Variants in KCNH7 observed in about 807,000 individuals in gnomAD.
KCNH7 encodes the protein potassium voltage-gated channel subfamily H member 7.
Under a neutral mutation model 120.8 loss-of-function variants are expected in KCNH7, and 49 were observed. That is an observed-to-expected ratio of 0.41 (90% CI 0.32 to 0.51). The LOEUF is 0.51. Ranked by LOEUF, KCNH7 falls within the 20% of genes least tolerant of loss-of-function variation. The pLI is 0.38. For missense variants in KCNH7, 1,097 were observed against 1,446.6 expected, an observed-to-expected ratio of 0.76 and a Z score of 3.92; for synonymous variants, 547 against 516.1, an observed-to-expected ratio of 1.06 and a Z score of -0.81.
At chr2:162,735,805 C>T (rs1406349087) in intron 2 of KCNH7, among the ~76,000 whole-genome samples, 3 of 152,138 alleles carry the variant, frequency 2.0e-5, no homozygotes, top group Non-Finnish European at 4.4e-5. Flanking sequence ...TTCTTTATTA[C>T]AATACTTGCT....
intron 2 of KCNH7, among the ~76,000 whole-genome samples, chr2:162,753,470 A>G (rs1688679098): frequency 6.6e-6 from 1 of 152,206 alleles, no homozygotes; most frequent in Non-Finnish European, 1.5e-5. Context: ...AATCTGAATC[A>G]TGAGAAAAAA....
intron 2 of KCNH7, among the ~76,000 whole-genome samples, chr2:162,607,802 A>G (rs1682831474): frequency 6.6e-6 from 1 of 152,238 alleles, no homozygotes; most frequent in East Asian, 1.9e-4. Flanking sequence ...AATATTCTAT[A>G]TTTTATATAT....
chr2:162,663,392 G>T (rs13022851), intron 2 of KCNH7, among the ~76,000 whole-genome samples: 26,531 of 152,004 alleles, frequency 0.17, 2,681 homozygotes, highest in East Asian at 0.46. Context: ...AGCTTTATTT[G>T]AGGATATATT....
chr2:162,384,703 T>G lies in KCNH7; in HGVS notation c.2947A>C (p.Ser983Arg), dbSNP rs1448335814. 6.2e-7 allele frequency: 1 copy of G among 1,612,388 alleles called. No homozygotes were observed. Among genetic ancestry groups the G allele is most frequent in the Admixed American group, 1.7e-5 (1 of 59,890 alleles). Residue 983 changes from serine (S) to arginine (R), a missense_variant, in exon 13 of 16, where the codon AGT (serine) becomes CGT (arginine). Transcript: ENST00000332142. ...TCTGGATTACCTTTGCAAGAGTGAC[T>G]TCTTTTATCTATGTGCATTCTTCCT... is the stretch of plus-strand genomic sequence containing the variant. ...TSGRMHIDKR[S>R]HSCKDITDMR...
intron 2 of KCNH7, among the ~76,000 whole-genome samples, chr2:162,640,285 A>G (rs1574207012): frequency 1.3e-5 from 2 of 152,288 alleles, no homozygotes; most frequent in East Asian, 3.9e-4. Flanking sequence ...ATTAGCCTAT[A>G]TGATTTCAAG....
chr2:162,479,020 G>A (rs576247866), intron 6 of KCNH7, among the ~76,000 whole-genome samples: 10 of 152,070 alleles, frequency 6.6e-5, no homozygotes, highest in African/African-American at 1.9e-4. Context: ...CTTCAGATCT[G>A]TTCACAGAAA....
chr2:162,765,625 C>T (rs776759373), intron 2 of KCNH7, among the ~76,000 whole-genome samples: 37 of 152,014 alleles, frequency 2.4e-4, no homozygotes, highest in Admixed American at 3.9e-4. Context: ...GGGGTGATAA[C>T]GACAAATTTA....
At chr2:162,716,952 G>T (rs911571407) in intron 2 of KCNH7, among the ~76,000 whole-genome samples, 1 of 151,964 alleles carries the variant, frequency 6.6e-6, no homozygotes, top group Non-Finnish European at 1.5e-5. Context: ...TGTGATTATA[G>T]AAAAAATCAT....
intron 6 of KCNH7, among the ~76,000 whole-genome samples, chr2:162,466,936 G>A (rs1689330128): frequency 6.6e-6 from 1 of 152,208 alleles, no homozygotes; most frequent in Non-Finnish European, 1.5e-5. Flanking sequence ...AGGCATCAAT[G>A]TAGTCAACCT....
intron 2 of KCNH7, among the ~76,000 whole-genome samples, chr2:162,694,454 G>T (rs1428665588): frequency 6.6e-6 from 1 of 150,704 alleles, no homozygotes; most frequent in Non-Finnish European, 1.5e-5. Context: ...GAACCAGCTG[G>T]TGCGTGTGGG....
At chr2:162,533,516 A>G (rs2105818668) in intron 3 of KCNH7, among the ~76,000 whole-genome samples, 1 of 151,928 alleles carries the variant, frequency 6.6e-6, no homozygotes, top group African/African-American at 2.4e-5. Flanking sequence ...AAAAGACTCA[A>G]GTGTCATGAT....
intron 2 of KCNH7, among the ~76,000 whole-genome samples, chr2:162,707,896 C>T (rs769799824): frequency 1.3e-5 from 2 of 152,040 alleles, no homozygotes; most frequent in African/African-American, 4.8e-5. Flanking sequence ...TCCCAGATAT[C>T]CATGAAGTCT....
At chr2:162,385,108 G>A (rs920281769) in intron 12 of KCNH7, among the ~76,000 whole-genome samples, 169 bp from the exon 13 acceptor site, 1 of 151,834 alleles carries the variant, frequency 6.6e-6, no homozygotes, top group Non-Finnish European at 1.5e-5. Flanking sequence ...GATTATCTTA[G>A]TAAAGTAAAT....
intron 2 of KCNH7, among the ~76,000 whole-genome samples, chr2:162,651,301 A>G (rs1413974592): frequency 6.6e-6 from 1 of 152,150 alleles, no homozygotes; most frequent in Non-Finnish European, 1.5e-5. Flanking sequence ...GGTACAAATT[A>G]TTTCATCAAC....
At chr2:162,743,342 A>G (rs1574331039) in intron 2 of KCNH7, among the ~76,000 whole-genome samples, 1 of 152,294 alleles carries the variant, frequency 6.6e-6, no homozygotes, top group East Asian at 1.9e-4. Context: ...TCTAAGTGGT[A>G]ACAGTAAGTA....
chr2:162,697,796 G>A (rs539384807), intron 2 of KCNH7, among the ~76,000 whole-genome samples: 5 of 152,002 alleles, frequency 3.3e-5, no homozygotes, highest in Non-Finnish European at 5.9e-5. Flanking sequence ...GACTTAAGGA[G>A]TGGACAACTA....
chr2:162,591,780 T>A (rs1694224123), intron 2 of KCNH7, among the ~76,000 whole-genome samples: 1 of 152,108 alleles, frequency 6.6e-6, no homozygotes, highest in Non-Finnish European at 1.5e-5. Flanking sequence ...GCAAATAATT[T>A]TTTTCTGTGT....
intron 2 of KCNH7, among the ~76,000 whole-genome samples, chr2:162,815,762 G>T (rs1193533542): frequency 6.6e-6 from 1 of 152,110 alleles, no homozygotes; most frequent in Admixed American, 6.5e-5. Context: ...CACCTCTTGG[G>T]CACAGCCATA....
chr2:162,457,867 T>C (rs1367241581), intron 6 of KCNH7, among the ~76,000 whole-genome samples: 1 of 152,140 alleles, frequency 6.6e-6, no homozygotes, highest in Non-Finnish European at 1.5e-5. Flanking sequence ...CTTTTCAGCA[T>C]ATGATTTGTG....
Sources: allele counts gnomAD v4.1 joint callset (sites outside exome capture counted in the v4.1 genomes callset), GRCh38; gene constraint gnomAD v4.1.1; transcripts MANE v1.5; gene names NCBI Gene and HGNC (gene_info 2026-07-23, HGNC 2026-07-21).